TEKT1: variants seen among roughly 807,000 people sequenced by gnomAD.
TEKT1 encodes the protein tektin-1.
In TEKT1, 32 loss-of-function variants were observed where a neutral mutation model predicts 34.8. The ratio of observed to expected loss-of-function variants is 0.92; its 90% confidence interval spans 0.69 to 1.23. TEKT1 has a LOEUF of 1.23. TEKT1 is among the 50% of genes most tolerant of loss of function. The pLI is 0.00. For missense variants in TEKT1, 492 were observed against 518.5 expected (o/e 0.95, Z 0.50); for synonymous variants, 207 against 199.8 (o/e 1.04, Z -0.30).
chr17:6,827,279 G>A (rs1285493558), intron 2 of TEKT1, among the ~76,000 whole-genome samples: 1 of 53,660 alleles, frequency 1.9e-5, no homozygotes, highest in African/African-American at 6.2e-5. Flanking sequence ...TTTTTTTTTT[G>A]AGATGGAGTC....
intron 2 of TEKT1, among the ~76,000 whole-genome samples, chr17:6,829,413 C>G (rs961927313): frequency 2.6e-5 from 4 of 152,146 alleles, no homozygotes; most frequent in Non-Finnish European, 4.4e-5. Context: ...GTAGTGTTTT[C>G]ATATAACCTA....
Position 6,819,189 on chromosome 17 carries a change from C to CT in TEKT1, c.356+3dup, listed in dbSNP as rs763097108. ...TGAATCATTTGAGGGACCTTCGCTCCTACCTGTATGCCAGGCATGTCTCAG... is the reference window on the plus strand; with the variant it reads ...TGAATCATTTGAGGGACCTTCGCTCCTTACCTGTATGCCAGGCATGTCTCAG... On this transcript the variant is annotated splice_donor_region_variant and intron_variant, in intron 3 of 7. Coordinates refer to ENST00000338694, the MANE Select transcript of TEKT1 (RefSeq NM_053285.2). The CT allele has an allele frequency of 6.8e-6, 11 of 1,610,806 alleles. No individual in the cohort carries two copies. The highest frequency in any genetic ancestry group is 1.3e-5 in the African/African-American group (1 of 74,716).
chr17:6,804,177 T>A (rs1209275272), intron 6 of TEKT1, among the ~76,000 whole-genome samples: 1 of 152,118 alleles, frequency 6.6e-6, no homozygotes, highest in Non-Finnish European at 1.5e-5. Context: ...GTCCTTCACA[T>A]CCCTTGTAAA....
rs905146613 is a variant in TEKT1, at chr17:6,815,918, T to C, written c.401A>G (p.His134Arg). The C allele has an allele frequency of 1.2e-6, 2 of 1,614,050 alleles. No homozygotes were observed. The highest frequency in any genetic ancestry group is 1.7e-6 in the Non-Finnish European group (2 of 1,180,034). Residue 134 changes from histidine (H) to arginine (R), a missense_variant, in exon 4 of 8, where the codon CAT becomes CGT. Coordinates refer to ENST00000338694, the MANE Select transcript of TEKT1 (RefSeq NM_053285.2). ...GATCTCAGCCTCCTTTATCAGCTCA[T>C]GCTCCACTGTGTCGTGCACCAGGTC... Reference protein sequence around the residue: ...GIDLVHDTVEHELIKEAEIIQ... With the variant: ...GIDLVHDTVERELIKEAEIIQ...
intron 3 of TEKT1, 24 bp downstream of exon 3, chr17:6,819,169 C>A: frequency 6.2e-7 from 1 of 1,603,340 alleles, no homozygotes. Context: ...ACACATGAAT[C>A]ATTTGAGGGA....
chr17:6,823,461 C>T (rs1443568604), intron 2 of TEKT1, among the ~76,000 whole-genome samples: 5 of 152,130 alleles, frequency 3.3e-5, no homozygotes, highest in African/African-American at 1.2e-4. Flanking sequence ...CATGTGCTTG[C>T]CTGTGTATGC....
intron 4 of TEKT1, among the ~76,000 whole-genome samples, chr17:6,815,563 G>A (rs1408106156): frequency 6.6e-6 from 1 of 152,146 alleles, no homozygotes; most frequent in East Asian, 1.9e-4. Flanking sequence ...TACTATGTGT[G>A]AGGGGTCAGC....
At chr17:6,801,013 G>T in intron 6 of TEKT1, 70 bp from the exon 7 acceptor site, 2 of 1,417,366 alleles carry the variant, frequency 1.4e-6, no homozygotes, top group Non-Finnish European at 1.9e-6. Flanking sequence ...ACAGCAGATG[G>T]GTTGTGATCA....
chr17:6,812,988 C>A lies in TEKT1; in HGVS notation c.695G>T (p.Arg232Leu). Residue 232 changes from arginine (R) to leucine (L), a missense_variant, in exon 6 of 8, where the codon CGG (arginine) becomes CTG (leucine). Coordinates refer to ENST00000338694, the MANE Select transcript of TEKT1 (RefSeq NM_053285.2). Reference sequence around the variant, plus strand: ...GGCTTTCAGCATCAGGGAGTTGTTCCGCTGCTTGTCAGCCTTCTCCACATT... The same window carrying A: ...GGCTTTCAGCATCAGGGAGTTGTTCAGCTGCTTGTCAGCCTTCTCCACATT... ...STNVEKADKQ[R>L]NNSLMLKALV... 6.2e-7 allele frequency: 1 copy of A among 1,614,188 alleles called. No individual in the cohort carries two copies. Among genetic ancestry groups the A allele is most frequent in the Middle Eastern group, 1.6e-4 (1 of 6,062 alleles).
intron 5 of TEKT1, among the ~76,000 whole-genome samples, chr17:6,813,481 C>T (rs372194334): frequency 6.6e-5 from 10 of 150,990 alleles, no homozygotes; most frequent in African/African-American, 1.9e-4. Flanking sequence ...ATAAATTACT[C>T]GTTTGAAGAG....
chr17:6,801,687 G>A (rs1022925028), intron 6 of TEKT1, among the ~76,000 whole-genome samples: 3 of 151,994 alleles, frequency 2.0e-5, no homozygotes, highest in African/African-American at 7.3e-5. Context: ...CAGCTTGGGG[G>A]ACAGAGTGAG....
In TEKT1 at chr17:6,800,076, T is replaced by G. The variant is rs1180329058; in HGVS notation, c.1208A>C (p.Glu403Ala). 6.2e-7 allele frequency: 1 copy of G among 1,612,868 alleles called. No individual in the cohort carries two copies. The highest frequency in any genetic ancestry group is 1.3e-5 in the African/African-American group (1 of 74,932). Reference protein sequence around the residue: ...MRKSIPLRDGEDHGVWAGGLR... With the variant: ...MRKSIPLRDGADHGVWAGGLR... ...GCCCCCAGCCCAGACCCCATGGTCT[T>G]CCCCATCCCGAAGTGGGATGGATTT... Residue 403 changes from glutamate to alanine, a missense_variant, in exon 8 of 8, where the codon GAA becomes GCA. Physicochemically the swap from Glu to Ala is moderately radical, Grantham distance 107 (BLOSUM62 -1). Transcript: ENST00000338694.
rs1427148166 is a variant in TEKT1, at chr17:6,798,696, T to G, written c.*1331A>C. 6.6e-6 allele frequency: 1 copy of G among 151,968 alleles called. No individual in the cohort carries two copies. The highest frequency in any genetic ancestry group is 1.5e-5 in the Non-Finnish European group (1 of 68,012). The allele number at this position is 151,968 out of a possible 1,614,324, so 9.4% of individuals were successfully genotyped here. A position where few individuals can be genotyped will look rare whatever the true frequency, so the allele number is the denominator to read the frequency against. On this transcript the variant is annotated 3_prime_UTR_variant, in exon 8 of 8. Coordinates refer to ENST00000338694, the MANE Select transcript of TEKT1 (RefSeq NM_053285.2). ...AACATCCCTTTCTGATGGCAAAGAG[T>G]CTCTGGACCAAGGAGCACCTAGATT...
At chr17:6,815,343 A>C in intron 4 of TEKT1, 37 bp from the exon 5 acceptor site, 1 of 1,614,102 alleles carries the variant, frequency 6.2e-7, no homozygotes, top group Middle Eastern at 1.7e-4. Context: ...CTGCCTCTGG[A>C]GTGCCCAGGT....
chr17:6,816,921 A>T (rs957999349), intron 3 of TEKT1, among the ~76,000 whole-genome samples: 1 of 152,188 alleles, frequency 6.6e-6, no homozygotes, highest in Non-Finnish European at 1.5e-5. Flanking sequence ...AATGGTTGCC[A>T]TTCTAACTAG....
intron 6 of TEKT1, among the ~76,000 whole-genome samples, chr17:6,801,224 T>C (rs1359885559): frequency 6.6e-5 from 10 of 152,170 alleles, no homozygotes; most frequent in African/African-American, 2.4e-4. Context: ...AGAGTGGGGA[T>C]CTCACTACTG....
chr17:6,798,072 C>T lies in TEKT1; in HGVS notation c.*1955G>A, dbSNP rs1204186989. 6.6e-6 allele frequency: 1 copy of T among 152,178 alleles called. No individual in the cohort carries two copies. Among genetic ancestry groups the T allele is most frequent in the Non-Finnish European group, 1.5e-5 (1 of 68,030 alleles). 9.4% of individuals were successfully genotyped at this position (152,178 alleles called of 1,614,324 possible). A position where few individuals can be genotyped will look rare whatever the true frequency, so the allele number is the denominator to read the frequency against. On this transcript the variant is annotated 3_prime_UTR_variant, in exon 8 of 8. Transcript: ENST00000338694. ...CTACATGTTGAGAAATGGCCTCAAC[C>T]ATAATCAAAATCACATTTCCCTTAA...
At chr17:6,809,598 T>G (rs1976898629) in intron 6 of TEKT1, among the ~76,000 whole-genome samples, 1 of 152,204 alleles carries the variant, frequency 6.6e-6, no homozygotes. Context: ...CAGAATATGT[T>G]TTGCTGCCCT....
chr17:6,818,148 G>A (rs576700211), intron 3 of TEKT1, among the ~76,000 whole-genome samples: 77 of 152,284 alleles, frequency 5.1e-4, no homozygotes, highest in African/African-American at 1.8e-3. Flanking sequence ...AGAGGTCACT[G>A]GGGGCCCTAT....
Sources: allele counts gnomAD v4.1 joint callset (sites outside exome capture counted in the v4.1 genomes callset), GRCh38; gene constraint gnomAD v4.1.1; transcripts MANE v1.5; gene names NCBI Gene and HGNC (gene_info 2026-07-23, HGNC 2026-07-21).